The following ST6GALNAC3 variants were observed in gnomAD, a reference collection of about 807,000 sequenced individuals.
The protein encoded by ST6GALNAC3 is alpha-N-acetylgalactosaminide alpha-2,6-sialyltransferase 3.
A neutral mutation model predicts 32.7 loss-of-function variants in ST6GALNAC3; 25 were observed. That is an observed-to-expected ratio of 0.76 (90% confidence interval 0.56 to 1.07). The LOEUF (loss-of-function observed/expected upper bound fraction) is 1.07. Among genes scored for constraint, ST6GALNAC3 ranks in the 50% least tolerant of loss-of-function variants. The pLI, the probability that ST6GALNAC3 is intolerant of heterozygous loss-of-function variation, is 0.00. For synonymous variants in ST6GALNAC3, 129 were observed against 133.1 expected (o/e 0.97, Z 0.21); for missense variants, 355 against 382.4 (o/e 0.93, Z 0.60).
At chr1:76,503,164 C>G (rs1661277370) in intron 3 of ST6GALNAC3, among the ~76,000 whole-genome samples, 1 of 152,192 alleles carries the variant, frequency 6.6e-6, no homozygotes. Flanking sequence ...CTGGCCAGCA[C>G]TGTCAGCAAG....
At chr1:76,362,193 C>T (rs369437815) in intron 2 of ST6GALNAC3, among the ~76,000 whole-genome samples, 3 of 152,064 alleles carry the variant, frequency 2.0e-5, no homozygotes, top group South Asian at 2.1e-4. Flanking sequence ...AGAAGAGAGG[C>T]GGAAGTGCTA....
At chr1:76,417,894 C>T (rs1233985361) in intron 3 of ST6GALNAC3, among the ~76,000 whole-genome samples, 3 of 152,080 alleles carry the variant, frequency 2.0e-5, no homozygotes, top group African/African-American at 7.2e-5. Context: ...GTTCCTGCCT[C>T]AGGTGAAGAG....
chr1:76,634,262 A>T lies in ST6GALNAC3; in HGVS notation c.*5456A>T, dbSNP rs75807779. The T allele has an allele frequency of 3.7e-5, 26 of 711,638 alleles. No individual in the cohort carries two copies. In the East Asian group the frequency reaches 1.6e-3, roughly 43 times the overall value. 44.1% of individuals were successfully genotyped at this position (711,638 alleles called of 1,614,324 possible). ...CATATTTGCCTATGAAGTGAGAGCT[A>T]TTTCTAAGAAACTTCAAAAAGATCA... is the stretch of plus-strand genomic sequence containing the variant. On this transcript the variant is annotated 3_prime_UTR_variant, in exon 5 of 5. Coordinates refer to ENST00000328299, the MANE Select transcript of ST6GALNAC3 (RefSeq NM_152996.4).
intron 1 of ST6GALNAC3, among the ~76,000 whole-genome samples, chr1:76,092,021 A>C (rs1325532079): frequency 6.6e-6 from 1 of 152,224 alleles, no homozygotes; most frequent in Admixed American, 6.5e-5. Context: ...TTAAAGTCAG[A>C]GAGTTAGGAG....
At chr1:76,387,328 T>C (rs1652175127) in intron 2 of ST6GALNAC3, among the ~76,000 whole-genome samples, 2 of 152,184 alleles carry the variant, frequency 1.3e-5, no homozygotes, top group Non-Finnish European at 2.9e-5. Flanking sequence ...GTACAGTGCC[T>C]GGCACATAGT....
At chr1:76,461,211 C>A (rs868333852) in intron 3 of ST6GALNAC3, among the ~76,000 whole-genome samples, 20 of 152,146 alleles carry the variant, frequency 1.3e-4, no homozygotes, top group African/African-American at 4.6e-4. Flanking sequence ...TAGTTCACAT[C>A]CTTCACAGAA....
intron 3 of ST6GALNAC3, among the ~76,000 whole-genome samples, chr1:76,609,785 C>CT (rs1326516036): frequency 2.6e-5 from 4 of 151,554 alleles, no homozygotes; most frequent in African/African-American, 9.7e-5. Context: ...ACCTGTCCCC[C>CT]CTCCTTCATA....
At chr1:76,350,523 A>G (rs1024417351) in intron 2 of ST6GALNAC3, among the ~76,000 whole-genome samples, 1 of 152,232 alleles carries the variant, frequency 6.6e-6, no homozygotes, top group Admixed American at 6.5e-5. Context: ...TAAAAACATT[A>G]GTTTGAATCC....
At chr1:76,392,936 A>T (rs547727931) in intron 2 of ST6GALNAC3, among the ~76,000 whole-genome samples, 1 of 152,286 alleles carries the variant, frequency 6.6e-6, no homozygotes, top group African/African-American at 2.4e-5. Context: ...TCCATTATTA[A>T]TGTGGAAGTA....
chr1:76,590,903 A>G (rs548647488), intron 3 of ST6GALNAC3, among the ~76,000 whole-genome samples: 1 of 152,324 alleles, frequency 6.6e-6, no homozygotes, highest in South Asian at 2.1e-4. Flanking sequence ...TTTGATTATT[A>G]TTCAATAAAT....
At chr1:76,377,205 G>T (rs1651306639) in intron 2 of ST6GALNAC3, among the ~76,000 whole-genome samples, 1 of 152,144 alleles carries the variant, frequency 6.6e-6, no homozygotes, top group Non-Finnish European at 1.5e-5. Flanking sequence ...AACTTTTAGG[G>T]CATGACTGAG....
chr1:76,136,806 C>T (rs1649974815), intron 1 of ST6GALNAC3, among the ~76,000 whole-genome samples: 2 of 152,114 alleles, frequency 1.3e-5, no homozygotes, highest in African/African-American at 4.8e-5. Context: ...GGATTTGCAG[C>T]CTTTATCACT....
chr1:76,338,728 T>A (rs1647712155), intron 2 of ST6GALNAC3, among the ~76,000 whole-genome samples: 1 of 150,792 alleles, frequency 6.6e-6, no homozygotes, highest in Non-Finnish European at 1.5e-5. Context: ...AAGAATTATT[T>A]GGCTCAAAGT....
intron 3 of ST6GALNAC3, among the ~76,000 whole-genome samples, chr1:76,598,063 T>C (rs1321533738): frequency 6.6e-6 from 1 of 152,156 alleles, no homozygotes; most frequent in African/African-American, 2.4e-5. Context: ...CTGCAGATTC[T>C]CTGGTGAGGA....
In ST6GALNAC3 at chr1:76,412,043, G is replaced by A. The variant is rs1171337718; in HGVS notation, c.249G>A (p.Val83=). ...LQLDCDLCAI[V]SNSGQMVGQK... is the part of the protein sequence containing the mutation. Reference sequence around the variant, plus strand: ...TGGACTGTGACCTTTGTGCCATAGTGTCAAACTCAGGTCAGATGGTTGGCC... The same window carrying A: ...TGGACTGTGACCTTTGTGCCATAGTATCAAACTCAGGTCAGATGGTTGGCC... Residue 83 remains valine (V), a synonymous_variant, in exon 3 of 5, where the codon GTG becomes GTA. Transcript: ENST00000328299. 1 of 1,613,506 alleles carries A rather than the reference G, an allele frequency of 6.2e-7. No homozygotes were observed. The highest frequency in any genetic ancestry group is 2.2e-5 in the East Asian group (1 of 44,852).
chr1:76,465,928 T>C (rs1343417467), intron 3 of ST6GALNAC3, among the ~76,000 whole-genome samples: 1 of 152,096 alleles, frequency 6.6e-6, no homozygotes, highest in East Asian at 1.9e-4. Flanking sequence ...AGTTGGCTGT[T>C]ACCTGACAGA....
At chr1:76,162,821 A>C (rs1570263407) in intron 1 of ST6GALNAC3, among the ~76,000 whole-genome samples, 1 of 152,308 alleles carries the variant, frequency 6.6e-6, no homozygotes, top group South Asian at 2.1e-4. Flanking sequence ...GGTCACATAA[A>C]ACTTCTCAGT....
intron 3 of ST6GALNAC3, among the ~76,000 whole-genome samples, chr1:76,469,959 A>T (rs987655371): frequency 3.3e-5 from 5 of 152,044 alleles, no homozygotes; most frequent in African/African-American, 1.2e-4. Context: ...CAGTGAAACT[A>T]TATTTGTTTT....
At chr1:76,190,581 G>A (rs185826349) in intron 1 of ST6GALNAC3, among the ~76,000 whole-genome samples, 1 of 152,302 alleles carries the variant, frequency 6.6e-6, no homozygotes, top group African/African-American at 2.4e-5. Context: ...GTTCTTGCCT[G>A]TGGCTCACAT....
Sources: allele counts gnomAD v4.1 joint callset (sites outside exome capture counted in the v4.1 genomes callset), GRCh38; gene constraint gnomAD v4.1.1; transcripts MANE v1.5; gene names NCBI Gene and HGNC (gene_info 2026-07-23, HGNC 2026-07-21).